Variants in SYTL5 observed in about 807,000 individuals in gnomAD.
SYTL5 encodes synaptotagmin-like protein 5.
SYTL5 carries 34 observed loss-of-function variants against 55.9 expected under a neutral mutation model. The ratio of observed to expected loss-of-function variants is 0.61; its 90% CI spans 0.46 to 0.81. SYTL5 has a LOEUF of 0.81. SYTL5 is among the 30% of genes least tolerant of loss of function. The pLI is 0.00. For synonymous variants in SYTL5, 221 were observed against 188.7 expected (o/e 1.17, Z -1.40); for missense variants, 637 against 546.7 (o/e 1.17, Z -1.65).
At chrX:38,050,068 T>C (rs1462797322) in intron 2 of SYTL5, among the ~76,000 whole-genome samples, 1 of 111,900 alleles carries the variant, frequency 8.9e-6, no homozygotes, top group Non-Finnish European at 1.9e-5. Context: ...TTATCTCCCT[T>C]AGGCCTTGAT....
chrX:37,953,852 A>G, the SYTL5 span, among the ~76,000 whole-genome samples: 15 of 111,293 alleles, frequency 1.3e-4, no homozygotes, highest in African/African-American at 4.2e-4. Flanking sequence ...AGTACAGATA[A>G]GCATTTTAAT....
chrX:38,115,356 C>A (rs933212564), intron 13 of SYTL5, among the ~76,000 whole-genome samples: 3 of 102,695 alleles, frequency 2.9e-5, no homozygotes, highest in African/African-American at 1.1e-4. Context: ...TGGTAGCGGG[C>A]GCCTGTAGTC....
the SYTL5 span, among the ~76,000 whole-genome samples, chrX:37,974,331 C>G: frequency 8.9e-6 from 1 of 111,855 alleles, no homozygotes; most frequent in African/African-American, 3.3e-5. Flanking sequence ...TAAAGCCAGT[C>G]AAGAAAAATC....
intron 9 of SYTL5, among the ~76,000 whole-genome samples, chrX:38,097,757 T>G (rs889978566): frequency 1.2e-4 from 13 of 109,555 alleles, no homozygotes; most frequent in African/African-American, 4.3e-4. Context: ...AAATCAATTT[T>G]AAAGAGCAAA....
At chrX:38,101,206 C>A (rs1316763297) in intron 9 of SYTL5, among the ~76,000 whole-genome samples, 1 of 111,109 alleles carries the variant, frequency 9.0e-6, no homozygotes, top group Non-Finnish European at 1.9e-5. Context: ...ATGTGGTTAA[C>A]CATAAGAGTT....
the SYTL5 span, among the ~76,000 whole-genome samples, chrX:37,921,372 C>T: frequency 3.6e-5 from 4 of 110,784 alleles, no homozygotes; most frequent in Non-Finnish European, 5.7e-5. Flanking sequence ...TTTAAGTAAA[C>T]GGAAGAAATT....
At chrX:37,914,931 A>G in the SYTL5 span, among the ~76,000 whole-genome samples, 2 of 111,378 alleles carry the variant, frequency 1.8e-5, no homozygotes, top group Non-Finnish European at 3.8e-5. Context: ...ATGGCAGGGT[A>G]CAAGATTCCG....
At chrX:37,975,567 A>G in the SYTL5 span, among the ~76,000 whole-genome samples, 1 of 111,712 alleles carries the variant, frequency 9.0e-6, no homozygotes, top group Non-Finnish European at 1.9e-5. Context: ...AGGCTTTTGA[A>G]CCTGATGAAA....
chrX:38,049,103 G>A (rs895608130), intron 2 of SYTL5, among the ~76,000 whole-genome samples: 1 of 110,921 alleles, frequency 9.0e-6, no homozygotes, highest in African/African-American at 3.3e-5. Context: ...TATTCTGCCC[G>A]CATATATTAT....
At chrX:37,930,921 AAGCCTCT>A in the SYTL5 span, among the ~76,000 whole-genome samples, 1 of 111,877 alleles carries the variant, frequency 8.9e-6, no homozygotes, top group African/African-American at 3.2e-5. Flanking sequence ...GTACTTTTTC[AAGCCTCT>A]AGTTGTCTCA....
intron 3 of SYTL5, among the ~76,000 whole-genome samples, chrX:38,068,782 G>A (rs1250179750): frequency 9.1e-6 from 1 of 110,315 alleles, no homozygotes; most frequent in Admixed American, 9.7e-5. Context: ...CTGGGGGTGG[G>A]GGCAAGGGTT....
At chrX:38,068,728 G>A (rs1936171584) in intron 3 of SYTL5, among the ~76,000 whole-genome samples, 1 of 110,875 alleles carries the variant, frequency 9.0e-6, no homozygotes, top group African/African-American at 3.3e-5. Flanking sequence ...TAAACATTGG[G>A]TACATATGGA....
intron 3 of SYTL5, among the ~76,000 whole-genome samples, chrX:38,068,965 T>A (rs1276523581): frequency 8.9e-6 from 1 of 111,857 alleles, no homozygotes; most frequent in Non-Finnish European, 1.9e-5. Flanking sequence ...ACCCTGAAAT[T>A]TGAATTTCAT....
intron 9 of SYTL5, among the ~76,000 whole-genome samples, chrX:38,100,474 A>G (rs1205388655): frequency 9.0e-6 from 1 of 111,725 alleles, no homozygotes; most frequent in Non-Finnish European, 1.9e-5. Context: ...ATAAACCAAT[A>G]TAAAAATAAG....
chrX:37,892,506 T>C, the SYTL5 span, among the ~76,000 whole-genome samples: 5 of 100,083 alleles, frequency 5.0e-5, no homozygotes, highest in Admixed American at 1.2e-4. Flanking sequence ...GTATATAGTA[T>C]AGTATGTTAT....
chrX:38,030,386 C>T (rs1019259321), intron 1 of SYTL5, among the ~76,000 whole-genome samples: 1 of 111,784 alleles, frequency 8.9e-6, no homozygotes, highest in Non-Finnish European at 1.9e-5. Context: ...TTCCCAGAAC[C>T]CAGTCTGTGG....
the SYTL5 span, among the ~76,000 whole-genome samples, chrX:37,964,660 T>A: frequency 9.0e-6 from 1 of 111,604 alleles, no homozygotes; most frequent in Non-Finnish European, 1.9e-5. Context: ...CTTTGAGAAT[T>A]ATTGGTTTGA....
At chrX:38,050,790 T>C (rs1935601510) in intron 2 of SYTL5, among the ~76,000 whole-genome samples, 1 of 112,055 alleles carries the variant, frequency 8.9e-6, no homozygotes, top group Admixed American at 9.5e-5. Flanking sequence ...CTCTACTTCA[T>C]GGCATTTTCA....
chrX:37,977,033 T>C, the SYTL5 span, among the ~76,000 whole-genome samples: 5 of 111,655 alleles, frequency 4.5e-5, no homozygotes, highest in Admixed American at 4.8e-4. Context: ...CACTTTACTC[T>C]TAATAAGAAT....
Sources: gnomAD v4.1 joint callset for allele counts (sites outside exome capture counted in the v4.1 genomes callset) on GRCh38, gnomAD v4.1.1 for gene constraint, MANE v1.5 for transcripts, NCBI Gene and HGNC (gene_info 2026-07-23, HGNC 2026-07-21) for gene names.